Variants in ENTPD5 observed in about 807,000 individuals in gnomAD.
The protein encoded by ENTPD5 is nucleoside diphosphate phosphatase ENTPD5.
ENTPD5 carries 49 observed loss-of-function variants against 60.2 expected under a neutral mutation model. The observed-to-expected ratio is 0.81, with a 90% confidence interval of 0.65 to 1.03. The LOEUF (loss-of-function observed/expected upper bound fraction) is 1.03. Among genes scored for constraint, ENTPD5 ranks in the 50% least tolerant of loss-of-function variants. The pLI is 0.00. For missense variants in ENTPD5, 480 were observed against 507.6 expected (o/e 0.95, Z 0.52); for synonymous variants, 187 against 185.4 (o/e 1.01, Z -0.07).
At chr14:74,001,284 C>T (rs28473715) in intron 3 of ENTPD5, among the ~76,000 whole-genome samples, 16,357 of 152,098 alleles carry the variant, frequency 0.11, 990 homozygotes, top group African/African-American at 0.15. Flanking sequence ...AAGCGGATCA[C>T]GAGGTCAAGA....
chr14:73,975,067 T>C, intron 10 of ENTPD5, 82 bp from the exon 11 acceptor site: 1 of 1,062,122 alleles, frequency 9.4e-7, no homozygotes, highest in Admixed American at 1.9e-5. Context: ...AGTAACATTG[T>C]TCCTGTGTCC....
At chr14:74,008,153 T>A (rs79371463) in intron 3 of ENTPD5, among the ~76,000 whole-genome samples, 11,530 of 151,748 alleles carry the variant, frequency 0.076, 593 homozygotes, top group South Asian at 0.26. Context: ...AAAAATTTTT[T>A]AACTCAGCTT....
At chr14:73,971,769 G>T in intron 14 of ENTPD5, 83 bp downstream of exon 14, 1 of 877,288 alleles carries the variant, frequency 1.1e-6, no homozygotes, top group Non-Finnish European at 1.9e-6. Flanking sequence ...TGAGCTGACT[G>T]AGGTGCTTTA....
Position 73,964,110 on chromosome 14 carries a change from TGAG to T in ENTPD5, c.*2815_*2817del, listed in dbSNP as rs2056875810. On this transcript the variant is annotated 3_prime_UTR_variant, in exon 16 of 16. Coordinates refer to ENST00000334696, the MANE Select transcript of ENTPD5 (RefSeq NM_001249.5). ...ACAAAAAATGGAAAGGTGGCCTAGA[TGAG>T]GAGGACACAGACTCTCCAGAAGTTA... is the stretch of plus-strand genomic sequence containing the variant. 1.3e-5 allele frequency: 2 copies of T among 152,258 alleles called. No individual in the cohort carries two copies. The highest frequency in any genetic ancestry group is 2.1e-4 in the South Asian group (1 of 4,824). The allele number at this position is 152,258 out of a possible 1,614,324, so 9.4% of individuals were successfully genotyped here.
chr14:73,991,302 T>C (rs1026841811), intron 3 of ENTPD5, among the ~76,000 whole-genome samples: 2 of 152,058 alleles, frequency 1.3e-5, no homozygotes, highest in Non-Finnish European at 2.9e-5. Flanking sequence ...TGTTTACATT[T>C]AGGGGCCAGG....
chr14:73,973,054 T>G (rs1419897964), intron 12 of ENTPD5, 30 bp from the exon 13 acceptor site: 1 of 1,611,758 alleles, frequency 6.2e-7, no homozygotes, highest in African/African-American at 1.3e-5. Flanking sequence ...AGGGGTAAGG[T>G]GAGAACGACG....
chr14:73,959,315 G>T, downstream of ENTPD5: 4 of 1,614,078 alleles, frequency 2.5e-6, no homozygotes, highest in South Asian at 4.4e-5. Flanking sequence ...AAGGGAATCT[G>T]CCCAGGCTGT....
At chr14:73,961,183 C>T, downstream of ENTPD5, 1 of 1,613,640 alleles carries the variant, frequency 6.2e-7, no homozygotes, top group Non-Finnish European at 8.5e-7. Context: ...TGGAGTGATG[C>T]TGACCACACG....
Position 73,976,485 on chromosome 14 carries a change from T to C in ENTPD5, c.554-73A>G, listed in dbSNP as rs943324754. The C allele has an allele frequency of 3.3e-5, 40 of 1,200,044 alleles. No homozygotes were observed. In the African/African-American group the frequency reaches 3.9e-4, roughly 12 times the overall value. 74.3% of individuals were successfully genotyped at this position (1,200,044 alleles called of 1,614,324 possible). On this transcript the variant is annotated intron_variant, in intron 8 of 15. Coordinates refer to ENST00000334696, the MANE Select transcript of ENTPD5 (RefSeq NM_001249.5). ...CCAACACTTGTCTCTCTTGCTCTTA[T>C]CATACACTGAAGGTATTCCATACAT...
chr14:73,973,880 C>G lies in ENTPD5; in HGVS notation c.883G>C (p.Glu295Gln), dbSNP rs779639733. ...CCAGTGAAAAAACATCACTTGCCTT[C>G]TTGGTTGCCACCATACTGGTATTTC... ...GVKYQYGGNQEGEVGFEPCYA... is the reference protein window; with the variant it reads ...GVKYQYGGNQQGEVGFEPCYA... Residue 295 changes from glutamate to glutamine, a missense_variant, in exon 12 of 16, where the codon GAA (glutamate) becomes CAA (glutamine). By Grantham distance (29) the Glu-to-Gln change is conservative. Transcript: ENST00000334696. 1 of 1,613,724 alleles carries G rather than the reference C, an allele frequency of 6.2e-7. No individual in the cohort carries two copies. Among genetic ancestry groups the G allele is most frequent in the South Asian group, 1.1e-5 (1 of 91,088 alleles).
intron 1 of ENTPD5, chr14:74,018,973 T>G (rs2059162853): frequency 6.5e-6 from 1 of 153,582 alleles, no homozygotes; most frequent in African/African-American, 2.4e-5. Context: ...GAGGGCAAGG[T>G]AGCCGCGGCC....
downstream of ENTPD5, chr14:73,957,950 C>CT (rs1191647899): frequency 5.3e-6 from 3 of 569,460 alleles, no homozygotes; most frequent in Admixed American, 2.8e-5. Context: ...ACTTCAATGT[C>CT]TTTTTTTGAC....
downstream of ENTPD5, chr14:73,959,816 T>C (rs2056627364): frequency 8.5e-6 from 11 of 1,287,660 alleles, no homozygotes; most frequent in Admixed American, 9.6e-5. Context: ...GTGATCTGCC[T>C]GCCTTGGCCT....
At chr14:74,009,617 G>C (rs2058782855) in intron 3 of ENTPD5, among the ~76,000 whole-genome samples, 1 of 152,074 alleles carries the variant, frequency 6.6e-6, no homozygotes, top group Non-Finnish European at 1.5e-5. Context: ...AAAAACTTGG[G>C]GTTTTTAAAA....
intron 3 of ENTPD5, among the ~76,000 whole-genome samples, chr14:73,991,571 G>C (rs564626996): frequency 8.4e-6 from 1 of 119,300 alleles, no homozygotes; most frequent in Non-Finnish European, 1.7e-5. Context: ...CTGGAGGACA[G>C]AGCAAGAATC....
rs1234711266 is a variant in ENTPD5, at chr14:73,977,376, TAGAGAA to T, written c.442-8_442-3del. On this transcript the variant is annotated splice_region_variant and splice_polypyrimidine_tract_variant and intron_variant, in intron 6 of 15. Coordinates refer to ENST00000334696, the MANE Select transcript of ENTPD5 (RefSeq NM_001249.5). ...TGACTTCCTGAAGATCTCCTTTACC[TAGAGAA>T]AAAGGAAAAAAAAAAAAAAAGAATT... 2 of 1,479,174 alleles carry T rather than the reference TAGAGAA, an allele frequency of 1.4e-6. No homozygotes were observed. Among genetic ancestry groups the T allele is most frequent in the Non-Finnish European group, 1.8e-6 (2 of 1,088,278 alleles). The allele number at this position is 1,479,174 out of a possible 1,614,324, so 91.6% of individuals were successfully genotyped here. A position where few individuals can be genotyped will look rare whatever the true frequency, so the allele number is the denominator to read the frequency against.
chr14:73,957,720 C>T (rs112103871), downstream of ENTPD5, among the ~76,000 whole-genome samples: 5 of 152,080 alleles, frequency 3.3e-5, no homozygotes, highest in Non-Finnish European at 5.9e-5. Context: ...ATGAGCCACC[C>T]GTGCCTGGCC....
At chr14:73,959,685 T>G, downstream of ENTPD5, 1 of 1,354,858 alleles carries the variant, frequency 7.4e-7, no homozygotes, top group South Asian at 1.3e-5. Flanking sequence ...TTCTCCTGCC[T>G]CAGCCTCCTA....
chr14:73,955,521 T>C (rs1439896293), downstream of ENTPD5: 2 of 1,613,204 alleles, frequency 1.2e-6, no homozygotes, highest in African/African-American at 2.7e-5. Flanking sequence ...TGCCCCTTTA[T>C]CTTTTCAATT....
Sources: gnomAD v4.1 joint callset for allele counts (sites outside exome capture counted in the v4.1 genomes callset) on GRCh38, gnomAD v4.1.1 for gene constraint, MANE v1.5 for transcripts, NCBI Gene and HGNC (gene_info 2026-07-23, HGNC 2026-07-21) for gene names.